FSTL4: variants seen among roughly 807,000 people sequenced by gnomAD.
FSTL4 encodes the protein follistatin like 4, also known as follistatin-related protein 4.
In FSTL4, 28 loss-of-function variants were observed where a neutral mutation model predicts 78.2. The ratio of observed to expected loss-of-function variants is 0.36; its 90% CI spans 0.27 to 0.49. FSTL4 has a LOEUF of 0.49. FSTL4 is among the 20% of genes least tolerant of loss of function. The pLI is 0.98. For missense variants in FSTL4, 922 were observed against 1,084.9 expected (o/e 0.85, Z 2.11); for synonymous variants, 422 against 440.5 (o/e 0.96, Z 0.53).
At chr5:133,573,039 T>A (rs1289745549) in intron 2 of FSTL4, among the ~76,000 whole-genome samples, 1 of 151,988 alleles carries the variant, frequency 6.6e-6, no homozygotes, top group African/African-American at 2.4e-5. Flanking sequence ...GGTCAGGAGA[T>A]CGAGACCATC....
intron 7 of FSTL4, among the ~76,000 whole-genome samples, chr5:133,241,235 A>G (rs188429255): frequency 3.9e-5 from 6 of 152,368 alleles, no homozygotes; most frequent in Admixed American, 1.3e-4. Context: ...AACTGTGAGT[A>G]TAACACTTAC....
chr5:133,618,492 CA>C, the FSTL4 span, among the ~76,000 whole-genome samples: 1 of 152,142 alleles, frequency 6.6e-6, no homozygotes, highest in Admixed American at 6.5e-5. Context: ...AGAGTGAAAG[CA>C]GGAAAGACCA....
At chr5:133,375,349 G>A (rs1755409869) in intron 4 of FSTL4, among the ~76,000 whole-genome samples, 2 of 112,924 alleles carry the variant, frequency 1.8e-5, no homozygotes, top group Admixed American at 1.1e-4. Flanking sequence ...TATTATCCCT[G>A]GTTCTCTCTG....
At chr5:133,462,976 C>G (rs1757628042) in intron 3 of FSTL4, among the ~76,000 whole-genome samples, 1 of 152,174 alleles carries the variant, frequency 6.6e-6, no homozygotes, top group South Asian at 2.1e-4. Context: ...TCGCAAGCAA[C>G]CAGAGTCTGG....
chr5:133,545,910 T>A (rs1413436383), intron 3 of FSTL4, among the ~76,000 whole-genome samples: 1 of 152,200 alleles, frequency 6.6e-6, no homozygotes, highest in Non-Finnish European at 1.5e-5. Context: ...TGACAAGGTC[T>A]CAAATGGAAC....
chr5:133,762,264 C>T, the FSTL4 span, among the ~76,000 whole-genome samples: 1 of 152,184 alleles, frequency 6.6e-6, no homozygotes. Context: ...CCCAACAATG[C>T]AAAGAGGGTC....
the FSTL4 span, among the ~76,000 whole-genome samples, chr5:133,731,193 G>A: frequency 4.7e-4 from 72 of 152,278 alleles, 1 homozygote; most frequent in South Asian, 0.015. Context: ...GGGAGGTTGT[G>A]ATCAAGTCAT....
At chr5:133,213,806 A>C (rs1750820398) in intron 13 of FSTL4, among the ~76,000 whole-genome samples, 1 of 152,216 alleles carries the variant, frequency 6.6e-6, no homozygotes, top group African/African-American at 2.4e-5. Context: ...TCCAAGTAAA[A>C]GACTAAGATG....
chr5:133,623,736 T>C, the FSTL4 span, among the ~76,000 whole-genome samples: 3 of 151,982 alleles, frequency 2.0e-5, no homozygotes, highest in African/African-American at 7.2e-5. Context: ...AATATTTGCA[T>C]ATATATCTGA....
chr5:133,257,294 G>C (rs1424779591), intron 6 of FSTL4, among the ~76,000 whole-genome samples: 1 of 152,198 alleles, frequency 6.6e-6, no homozygotes, highest in East Asian at 1.9e-4. Context: ...ACAGACCCCA[G>C]GTTAAGGGCC....
the FSTL4 span, among the ~76,000 whole-genome samples, chr5:133,672,857 A>T: frequency 6.6e-6 from 1 of 152,192 alleles, no homozygotes; most frequent in Non-Finnish European, 1.5e-5. Context: ...GCCAAGGTTG[A>T]CTATGCACCC....
intron 6 of FSTL4, among the ~76,000 whole-genome samples, chr5:133,277,235 C>T (rs2126854762): frequency 6.6e-6 from 1 of 152,192 alleles, no homozygotes; most frequent in Non-Finnish European, 1.5e-5. Context: ...ATTGCTTGAA[C>T]CTGAGAGGCA....
intron 14 of FSTL4, among the ~76,000 whole-genome samples, chr5:133,207,188 T>C (rs554704753): frequency 2.6e-5 from 4 of 152,374 alleles, no homozygotes; most frequent in Admixed American, 2.6e-4. Flanking sequence ...TCAATTTTCC[T>C]GTCATCTTGT....
In FSTL4 at chr5:133,611,126, C is replaced by T. The variant is rs1397362384; in HGVS notation, c.-11+1199G>A. 6.6e-6 allele frequency among the ~76,000 whole-genome samples: 1 copy of T among 152,096 alleles called. No individual in the cohort carries two copies. The highest frequency in any genetic ancestry group is 1.5e-5 in the Non-Finnish European group (1 of 67,996). ...AGGGGAGCGGCGGGCTGTGGCCGCG[C>T]CATTCATCAGTGTCGGCGGCCCGCG... On this transcript the variant is annotated intron_variant, in intron 1 of 15. Transcript: ENST00000265342. This position sits in a 1 kb window ranked among gnomAD's most constrained non-coding sequence, Gnocchi z 4.9.
chr5:133,287,887 C>T (rs1753172712), intron 6 of FSTL4, among the ~76,000 whole-genome samples: 1 of 152,198 alleles, frequency 6.6e-6, no homozygotes, highest in Non-Finnish European at 1.5e-5. Flanking sequence ...CCTTCCATGA[C>T]TGCCACATCA....
chr5:133,686,017 C>T, the FSTL4 span, among the ~76,000 whole-genome samples: 2 of 152,200 alleles, frequency 1.3e-5, no homozygotes, highest in African/African-American at 4.8e-5. Flanking sequence ...TGTGAAACTG[C>T]CCAGCCCTGC....
chr5:133,550,756 G>A (rs1759676197), intron 3 of FSTL4, among the ~76,000 whole-genome samples: 1 of 152,192 alleles, frequency 6.6e-6, no homozygotes, highest in South Asian at 2.1e-4. Flanking sequence ...TGAATAGTTA[G>A]AGAACACAGA....
At chr5:133,418,696 A>C (rs11745478) in intron 3 of FSTL4, among the ~76,000 whole-genome samples, 37,468 of 152,144 alleles carry the variant, frequency 0.25, 4,856 homozygotes, top group Admixed American at 0.3. Flanking sequence ...GACTGAGAGG[A>C]TGGAAATAGC....
At chr5:133,416,215 G>A (rs1469248765) in intron 3 of FSTL4, among the ~76,000 whole-genome samples, 2 of 152,194 alleles carry the variant, frequency 1.3e-5, no homozygotes, top group African/African-American at 4.8e-5. Context: ...GTCTGAAGAA[G>A]CTCCTACTGG....
Sources: gnomAD v4.1 joint callset for allele counts (sites outside exome capture counted in the v4.1 genomes callset) on GRCh38, gnomAD v4.1.1 for gene constraint, Gnocchi (gnomAD v3.1) non-coding constraint, MANE v1.5 for transcripts, NCBI Gene and HGNC (gene_info 2026-07-23, HGNC 2026-07-21) for gene names.